The following SPATA16 variants were observed in gnomAD, a reference collection of about 807,000 sequenced individuals.
SPATA16 encodes spermatogenesis associated 16.
Under a neutral mutation model 63.3 loss-of-function variants are expected in SPATA16, and 36 were observed. The ratio of observed to expected loss-of-function variants is 0.57; its 90% CI spans 0.44 to 0.75. SPATA16 has a LOEUF of 0.75. Ranked by LOEUF, SPATA16 falls within the 30% of genes least tolerant of loss-of-function variation. SPATA16 has a pLI of 0.00. For missense variants in SPATA16, 646 were observed against 679.3 expected, an observed-to-expected ratio of 0.95 and a Z score of 0.54; for synonymous variants, 203 against 216.7, an observed-to-expected ratio of 0.94 and a Z score of 0.56.
intron 2 of SPATA16, among the ~76,000 whole-genome samples, chr3:173,089,976 G>A (rs1486487726): frequency 6.6e-6 from 1 of 152,172 alleles, no homozygotes; most frequent in Non-Finnish European, 1.5e-5. Context: ...TAAAAAGCCT[G>A]CTTTTAACAG....
chr3:172,906,747 A>T (rs372893093), intron 10 of SPATA16, among the ~76,000 whole-genome samples: 62 of 151,848 alleles, frequency 4.1e-4, no homozygotes, highest in African/African-American at 1.1e-3. Context: ...TTACTTTTTT[A>T]TTTTTTATTT....
intron 2 of SPATA16, among the ~76,000 whole-genome samples, chr3:173,092,814 C>T (rs1737255386): frequency 1.3e-5 from 2 of 152,102 alleles, no homozygotes; most frequent in African/African-American, 4.8e-5. Flanking sequence ...GACAGTTAAA[C>T]ATTTCAGACA....
chr3:173,137,031 C>T (rs1378668753), intron 1 of SPATA16, among the ~76,000 whole-genome samples: 1 of 152,230 alleles, frequency 6.6e-6, no homozygotes, highest in Admixed American at 6.5e-5. Context: ...TAAATAATCC[C>T]TCTCTACATT....
chr3:172,960,666 C>T (rs62282601), intron 5 of SPATA16, among the ~76,000 whole-genome samples: 7 of 151,904 alleles, frequency 4.6e-5, no homozygotes, highest in South Asian at 2.1e-4. Context: ...AGAGATATTC[C>T]GTCAAGAGGA....
chr3:172,942,342 C>T (rs1446459378), intron 6 of SPATA16, among the ~76,000 whole-genome samples: 1 of 151,844 alleles, frequency 6.6e-6, no homozygotes, highest in Non-Finnish European at 1.5e-5. Context: ...AACACGAGGG[C>T]ATAAAATGTT....
intron 6 of SPATA16, among the ~76,000 whole-genome samples, chr3:172,952,089 A>G (rs1369164662): frequency 3.9e-5 from 6 of 152,180 alleles, no homozygotes; most frequent in Admixed American, 1.3e-4. Flanking sequence ...GGCGGGTACA[A>G]ACACATGTTT....
chr3:173,091,243 A>G (rs541233800), intron 2 of SPATA16, among the ~76,000 whole-genome samples: 14 of 152,312 alleles, frequency 9.2e-5, no homozygotes, highest in African/African-American at 3.4e-4. Context: ...TTAACTTAGT[A>G]GACTAATGTC....
chr3:172,920,989 A>G (rs1027953970), intron 8 of SPATA16, among the ~76,000 whole-genome samples: 45 of 151,596 alleles, frequency 3.0e-4, no homozygotes, highest in African/African-American at 9.9e-4. Flanking sequence ...TGAATTAAAC[A>G]TCTCTGAACA....
chr3:173,044,760 G>T (rs1735919467), intron 3 of SPATA16, among the ~76,000 whole-genome samples: 1 of 152,156 alleles, frequency 6.6e-6, no homozygotes, highest in Non-Finnish European at 1.5e-5. Context: ...ATGTTAAGAT[G>T]TTGAGGTTTT....
At chr3:173,034,909 C>A (rs576890451) in intron 3 of SPATA16, among the ~76,000 whole-genome samples, 4 of 152,258 alleles carry the variant, frequency 2.6e-5, no homozygotes, top group African/African-American at 9.6e-5. Flanking sequence ...GTAATACACA[C>A]TCCTTTCTTG....
chr3:173,015,861 G>GGT (rs57049586), intron 4 of SPATA16, among the ~76,000 whole-genome samples: 21,806 of 148,706 alleles, frequency 0.15, 1,645 homozygotes, highest in African/African-American at 0.19. Flanking sequence ...TCCCAAATGG[G>GGT]GTGTGTGTGT....
intron 2 of SPATA16, among the ~76,000 whole-genome samples, chr3:173,075,004 A>AG (rs1736760191): frequency 1.3e-5 from 2 of 150,248 alleles, no homozygotes; most frequent in Non-Finnish European, 3.0e-5. Context: ...AAAAAAAAAA[A>AG]AAAAAAAAGG....
At chr3:173,137,493 AG>A (rs1738578206) in intron 1 of SPATA16, among the ~76,000 whole-genome samples, 1 of 152,192 alleles carries the variant, frequency 6.6e-6, no homozygotes. Flanking sequence ...GATCTATGGG[AG>A]GAAAACAGGA....
intron 10 of SPATA16, among the ~76,000 whole-genome samples, chr3:172,900,049 T>C (rs1429067862): frequency 6.7e-6 from 1 of 150,078 alleles, no homozygotes; most frequent in East Asian, 1.9e-4. Context: ...CTTTTTGATA[T>C]TTCTAGGTCT....
intron 5 of SPATA16, among the ~76,000 whole-genome samples, chr3:172,972,328 CAA>C (rs1254329645): frequency 1.3e-5 from 2 of 152,174 alleles, no homozygotes; most frequent in Non-Finnish European, 2.9e-5. Flanking sequence ...CCAACAATCT[CAA>C]AAGAGGTCTT....
intron 2 of SPATA16, among the ~76,000 whole-genome samples, chr3:173,053,098 GTAATACC>G (rs1736139854): frequency 6.6e-6 from 1 of 152,210 alleles, no homozygotes; most frequent in African/African-American, 2.4e-5. Context: ...CCTCATCCCT[GTAATACC>G]TGCACTTTCA....
chr3:173,126,110 G>A (rs11925925), intron 1 of SPATA16, among the ~76,000 whole-genome samples: 11,411 of 150,194 alleles, frequency 0.076, 1,248 homozygotes, highest in African/African-American at 0.24. Flanking sequence ...TGCCTACCCC[G>A]GTCTTTTTTA....
chr3:172,890,883 C>G (rs1283419625), intron 10 of SPATA16, among the ~76,000 whole-genome samples: 2 of 147,386 alleles, frequency 1.4e-5, no homozygotes, highest in Non-Finnish European at 3.0e-5. Context: ...TTGCAGGACA[C>G]ATAAAAATAA....
intron 10 of SPATA16, among the ~76,000 whole-genome samples, chr3:172,902,123 C>T (rs754143684): frequency 1.3e-5 from 2 of 152,136 alleles, no homozygotes; most frequent in Non-Finnish European, 2.9e-5. Flanking sequence ...CTGAAACCTC[C>T]GCCTCTCGGG....
Sources: allele counts gnomAD v4.1 joint callset (sites outside exome capture counted in the v4.1 genomes callset), GRCh38; gene constraint gnomAD v4.1.1; transcripts MANE v1.5; gene names NCBI Gene and HGNC (gene_info 2026-07-23, HGNC 2026-07-21).